NAPSA: variants seen among roughly 807,000 people sequenced by gnomAD.
NAPSA encodes napsin A aspartic peptidase.
NAPSA carries 37 observed loss-of-function variants against 36.7 expected under a neutral mutation model. The observed-to-expected ratio is 1.01, with a 90% confidence interval of 0.78 to 1.33. The LOEUF (loss-of-function observed/expected upper bound fraction) is 1.33. Among genes scored for constraint, NAPSA ranks in the 40% most tolerant of loss-of-function variants. The pLI, the probability that NAPSA is intolerant of heterozygous loss-of-function variation, is 0.00. For missense variants in NAPSA, 532 were observed against 543.8 expected, an observed-to-expected ratio of 0.98 and a Z score of 0.21; for synonymous variants, 222 against 234.5, an observed-to-expected ratio of 0.95 and a Z score of 0.49.
upstream of NAPSA, among the ~76,000 whole-genome samples, chr19:50,366,343 G>A (rs1250696562): frequency 2.6e-5 from 4 of 151,944 alleles, no homozygotes; most frequent in South Asian, 2.1e-4. Context: ...CAGGTGATCC[G>A]CCCGCCTCAG....
intron 8 of NAPSA, 45 bp from the exon 9 acceptor site, chr19:50,358,825 C>CG (rs2037430971): frequency 4.6e-6 from 7 of 1,535,548 alleles, no homozygotes; most frequent in Middle Eastern, 1.7e-4. Context: ...GCCACAAGGA[C>CG]GGCCATTTGC....
In NAPSA at chr19:50,360,943, G is replaced by T. The variant is rs1222894112; in HGVS notation, c.666C>A (p.Asn222Lys). The T allele has an allele frequency of 6.2e-7, 1 of 1,613,730 alleles. No individual in the cohort carries two copies. Among genetic ancestry groups the T allele is most frequent in the Non-Finnish European group, 8.5e-7 (1 of 1,179,798 alleles). The change falls in exon 5 of 9, where the codon AAC becomes AAA. Residue 222 changes from asparagine to lysine, a missense_variant and splice_region_variant. Asn to Lys is a moderately conservative substitution (Grantham distance 94). This residue lies in a region of NAPSA where 385 missense variants were observed against 371.5 expected (regional missense o/e 1.04). Coordinates refer to ENST00000253719, the MANE Select transcript of NAPSA (RefSeq NM_004851.3). ...LDKPVFSFYL[N>K]RDPEEPDGGE... ...GATAGGTGCACACTTCCCAGTACCTGTTGAGGTAAAAGGAGAAGACAGGCT... is the reference window on the plus strand; with the variant it reads ...GATAGGTGCACACTTCCCAGTACCTTTTGAGGTAAAAGGAGAAGACAGGCT...
In NAPSA at chr19:50,361,080, C is replaced by A. The variant is rs1452967006; in HGVS notation, c.529G>T (p.Val177Phe). The change falls in exon 5 of 9, where the codon GTC (valine) becomes TTC (phenylalanine). Residue 177 changes from valine to phenylalanine, a missense_variant. By Grantham distance (50) the Val-to-Phe change is conservative. Around this residue, in one of 3 missense-constraint regions of NAPSA, gnomAD observed 385 missense variants for 371.5 expected, o/e 1.04. Transcript: ENST00000253719. ...CCATCAAAATGGGCAAAAGCGAAGA[C>A]CAGGCTGGGCTCCCAGAGAGCCTCC... is the stretch of plus-strand genomic sequence containing the variant. ...FGEALWEPSL[V>F]FAFAHFDGIL... is the part of the protein sequence containing the mutation. 1 of 1,614,156 alleles carries A rather than the reference C, an allele frequency of 6.2e-7. No individual in the cohort carries two copies. The highest frequency in any genetic ancestry group is 1.7e-5 in the Admixed American group (1 of 60,024).
In NAPSA at chr19:50,361,647, G is replaced by C; in HGVS notation, c.468+16C>G. On this transcript the variant is annotated intron_variant, in intron 4 of 8. Coordinates refer to ENST00000253719, the MANE Select transcript of NAPSA (RefSeq NM_004851.3). The stretch of plus-strand genomic sequence containing the variant: ...TCTCCCAGGCTCAAGACTTCTGAGA[G>C]TCAAAGGCCACTCACAGTCAGCTTG... 1 of 1,599,298 alleles carries C rather than the reference G, an allele frequency of 6.3e-7. No individual in the cohort carries two copies. The highest frequency in any genetic ancestry group is 8.6e-7 in the Non-Finnish European group (1 of 1,167,116).
intron 1 of NAPSA, among the ~76,000 whole-genome samples, chr19:50,365,239 C>G (rs1386941885): frequency 6.6e-6 from 1 of 151,820 alleles, no homozygotes; most frequent in East Asian, 1.9e-4. Flanking sequence ...GAAGCTGAGG[C>G]AGGAGAATCG....
At position 50,359,483 on chromosome 19, in the gene NAPSA, C is replaced by T. The variant is rs772508785; in HGVS notation, c.936+20G>A. On this transcript the variant is annotated intron_variant, in intron 7 of 8. Coordinates refer to ENST00000253719, the MANE Select transcript of NAPSA (RefSeq NM_004851.3). The stretch of plus-strand genomic sequence containing the variant: ...TGCCATCAGCCTTCCCAGCCCGTAC[C>T]CACCAGACTGGGACCTCACCTCCCC... 3 of 1,613,802 alleles carry T rather than the reference C, an allele frequency of 1.9e-6. No individual in the cohort carries two copies. Among genetic ancestry groups the T allele is most frequent in the Non-Finnish European group, 2.5e-6 (3 of 1,180,036 alleles).
chr19:50,362,868 G>A (rs1172773888), intron 1 of NAPSA: 1 of 152,236 alleles, frequency 6.6e-6, no homozygotes, highest in East Asian at 1.9e-4. Context: ...AACAGGATTT[G>A]GCCCTTAAGC....
At chr19:50,366,019 T>C, upstream of NAPSA, 1 of 165,216 alleles carries the variant, frequency 6.1e-6, no homozygotes, top group Non-Finnish European at 1.3e-5. Context: ...GTGAAGGGCC[T>C]GGGGGAAGGG....
At chr19:50,364,102 G>C (rs905035147) in intron 1 of NAPSA, among the ~76,000 whole-genome samples, 5 of 151,540 alleles carry the variant, frequency 3.3e-5, no homozygotes, top group South Asian at 4.2e-4. Flanking sequence ...GGCAGATCAC[G>C]AAGTCAGGAG....
intron 1 of NAPSA, among the ~76,000 whole-genome samples, chr19:50,363,289 AAAAG>A (rs1450322979): frequency 6.6e-6 from 1 of 152,184 alleles, no homozygotes; most frequent in East Asian, 1.9e-4. Flanking sequence ...AGAGAGGAGA[AAAAG>A]AGAGATGGGG....
At chr19:50,363,693 A>G (rs2037505497) in intron 1 of NAPSA, among the ~76,000 whole-genome samples, 1 of 151,876 alleles carries the variant, frequency 6.6e-6, no homozygotes, top group Non-Finnish European at 1.5e-5. Flanking sequence ...CTCCTGAACT[A>G]GCTGGGACCA....
chr19:50,363,414 T>C (rs1447799637), intron 1 of NAPSA, among the ~76,000 whole-genome samples: 2 of 152,120 alleles, frequency 1.3e-5, no homozygotes, highest in African/African-American at 4.8e-5. Flanking sequence ...AGGGTCTCCC[T>C]CTGTCACCCA....
chr19:50,358,853 C>A, intron 8 of NAPSA, 73 bp from the exon 9 acceptor site: 1 of 1,417,176 alleles, frequency 7.1e-7, no homozygotes, highest in Non-Finnish European at 9.6e-7. Flanking sequence ...CCCGTCCATC[C>A]CCCCCACCCT....
In NAPSA at chr19:50,360,931, T is replaced by C; in HGVS notation, c.668+10A>G. On this transcript the variant is annotated intron_variant, in intron 5 of 8. Coordinates refer to ENST00000253719, the MANE Select transcript of NAPSA (RefSeq NM_004851.3). ...ATAGGACTCATAGATAGGTGCACAC[T>C]TCCCAGTACCTGTTGAGGTAAAAGG... The C allele has an allele frequency of 6.2e-7, 1 of 1,612,442 alleles. No homozygotes were observed. Among genetic ancestry groups the C allele is most frequent in the East Asian group, 2.2e-5 (1 of 44,812 alleles).
chr19:50,360,915 A>C, intron 5 of NAPSA, 26 bp downstream of exon 5: 1 of 1,605,746 alleles, frequency 6.2e-7, no homozygotes. Flanking sequence ...GATAGGACTC[A>C]TAGATAGGTG....
At chr19:50,364,977 G>A (rs900243328) in intron 1 of NAPSA, among the ~76,000 whole-genome samples, 62 of 146,772 alleles carry the variant, frequency 4.2e-4, no homozygotes, top group African/African-American at 1.5e-3. Flanking sequence ...GGGTAACAGA[G>A]CAAGACTCTG....
At chr19:50,359,369 T>C (rs2037440673) in intron 7 of NAPSA, 134 bp downstream of exon 7, 1 of 1,207,832 alleles carries the variant, frequency 8.3e-7, no homozygotes, top group African/African-American at 1.5e-5. Context: ...CTCCAGACTA[T>C]CTGTCACGAA....
In NAPSA at chr19:50,360,241, T is replaced by C. The variant is rs140374405; in HGVS notation, c.669-379A>G. 3.4e-3 allele frequency among the ~76,000 whole-genome samples: 521 copies of C among 152,174 alleles called. 1 individual carries two copies. The highest frequency in any genetic ancestry group is 5.5e-3 in the Non-Finnish European group (372 of 68,008). On this transcript the variant is annotated intron_variant, in intron 5 of 8. Coordinates refer to ENST00000253719, the MANE Select transcript of NAPSA (RefSeq NM_004851.3). ...GAGTAGGAGAAGAGAATTTCTGAATTGCCTGTTGTGATATCTAGAGAGGTG... is the reference window on the plus strand; with the variant it reads ...GAGTAGGAGAAGAGAATTTCTGAATCGCCTGTTGTGATATCTAGAGAGGTG...
Position 50,365,557 on chromosome 19 carries a change from G to T in NAPSA, c.65C>A (p.Ser22Tyr), listed in dbSNP as rs779987805. The T allele has an allele frequency of 6.2e-7, 1 of 1,613,676 alleles. No homozygotes were observed. Among genetic ancestry groups the T allele is most frequent in the Non-Finnish European group, 8.5e-7 (1 of 1,179,858 alleles). ...ACCATACCGGATCAGTGTGGCCCCG[G>T]AAGGCTCCACATTCAGCAGAGGCAG... Reference protein sequence around the residue: ...LLLPLLNVEPSGATLIRIPLH... With the variant: ...LLLPLLNVEPYGATLIRIPLH... Residue 22 changes from serine (S) to tyrosine (Y), a missense_variant, in exon 1 of 9, where the codon TCC becomes TAC. Ser to Tyr is a moderately radical substitution (Grantham distance 144). Coordinates refer to ENST00000253719, the MANE Select transcript of NAPSA (RefSeq NM_004851.3).
Sources: gnomAD v4.1 joint callset for allele counts (sites outside exome capture counted in the v4.1 genomes callset) on GRCh38, gnomAD v4.1.1 for gene constraint, gnomAD v4.1.1 regional missense constraint, MANE v1.5 for transcripts, NCBI Gene and HGNC (gene_info 2026-07-23, HGNC 2026-07-21) for gene names.